The following DNM3 variants were observed in gnomAD, a reference collection of about 807,000 sequenced individuals.
DNM3 encodes the protein dynamin 3.
Under a neutral mutation model 101.6 loss-of-function variants are expected in DNM3, and 47 were observed. The ratio of observed to expected loss-of-function variants is 0.46; its 90% CI spans 0.37 to 0.59. The LOEUF is 0.59. Ranked by LOEUF, DNM3 falls within the 20% of genes least tolerant of loss-of-function variation. The pLI, the probability that DNM3 is intolerant of heterozygous loss-of-function variation, is 0.00. For missense variants in DNM3, 849 were observed against 1,085.7 expected (o/e 0.78, Z 3.06); for synonymous variants, 385 against 387.9 (o/e 0.99, Z 0.09).
chr1:172,057,174 C>G (rs547622853), intron 10 of DNM3, among the ~76,000 whole-genome samples: 2 of 152,214 alleles, frequency 1.3e-5, no homozygotes, highest in South Asian at 4.2e-4. Flanking sequence ...AGCAAAGCCT[C>G]CAAGAAATAT....
intron 4 of DNM3, among the ~76,000 whole-genome samples, chr1:172,003,850 G>T (rs2046504150): frequency 6.6e-6 from 1 of 151,884 alleles, no homozygotes; most frequent in African/African-American, 2.4e-5. Context: ...AAGACATTTG[G>T]GGAGAAATGT....
downstream of DNM3, among the ~76,000 whole-genome samples, chr1:172,413,110 T>C (rs572648728): frequency 1.1e-4 from 16 of 152,292 alleles, no homozygotes; most frequent in East Asian, 1.2e-3. Context: ...AAATGTTAGG[T>C]CCACAGAAGG....
chr1:172,198,131 T>C (rs2060021621), intron 14 of DNM3, among the ~76,000 whole-genome samples: 1 of 152,294 alleles, frequency 6.6e-6, no homozygotes, highest in African/African-American at 2.4e-5. Context: ...TGTTGAATTT[T>C]ATGTAAAGCC....
At chr1:171,929,339 A>G (rs1006356781) in intron 2 of DNM3, among the ~76,000 whole-genome samples, 1 of 152,224 alleles carries the variant, frequency 6.6e-6, no homozygotes, top group Non-Finnish European at 1.5e-5. Context: ...GAGGAACAGG[A>G]TTGCGGACAC....
chr1:172,378,842 G>A (rs926775014), intron 17 of DNM3, among the ~76,000 whole-genome samples, 176 bp from the exon 18 acceptor site: 1 of 151,908 alleles, frequency 6.6e-6, no homozygotes, highest in Non-Finnish European at 1.5e-5. Context: ...GAGTAATAAC[G>A]GCAGGTTCCC....
At chr1:172,034,301 T>C (rs1320709057) in intron 6 of DNM3, among the ~76,000 whole-genome samples, 2 of 152,140 alleles carry the variant, frequency 1.3e-5, no homozygotes, top group African/African-American at 4.8e-5. Context: ...AAAATATGAA[T>C]ATATTTTTGA....
chr1:171,970,559 T>C (rs1198564741), intron 2 of DNM3, among the ~76,000 whole-genome samples: 1 of 152,110 alleles, frequency 6.6e-6, no homozygotes, highest in African/African-American at 2.4e-5. Context: ...GATAGAAATA[T>C]TTTTGCTAAG....
intron 4 of DNM3, among the ~76,000 whole-genome samples, chr1:171,996,365 T>A (rs902272716): frequency 2.0e-5 from 3 of 152,168 alleles, no homozygotes; most frequent in African/African-American, 7.2e-5. Flanking sequence ...TTTGCTTTAG[T>A]TTCACCAGAA....
At chr1:171,883,363 C>CCACACA (rs71107337) in intron 1 of DNM3, among the ~76,000 whole-genome samples, 35 of 119,998 alleles carry the variant, frequency 2.9e-4, no homozygotes, top group Non-Finnish European at 4.0e-4. Flanking sequence ...CAAAAAAGGA[C>CCACACA]CACACACACA....
chr1:172,245,525 C>T (rs1055411602), intron 14 of DNM3, among the ~76,000 whole-genome samples: 2 of 152,176 alleles, frequency 1.3e-5, no homozygotes, highest in Non-Finnish European at 2.9e-5. Context: ...TCTAGAGCAC[C>T]ACAGGCTTGA....
At chr1:172,320,333 GTAAC>G (rs1035012136) in intron 16 of DNM3, among the ~76,000 whole-genome samples, 2 of 149,674 alleles carry the variant, frequency 1.3e-5, no homozygotes, top group Admixed American at 1.3e-4. Flanking sequence ...GTATACATAT[GTAAC>G]TAACCTGAAC....
At chr1:171,889,345 C>T (rs187733282) in intron 1 of DNM3, among the ~76,000 whole-genome samples, 61 of 151,976 alleles carry the variant, frequency 4.0e-4, no homozygotes, top group Middle Eastern at 3.4e-3. Flanking sequence ...CAAAACAAAA[C>T]GACAACAACA....
At chr1:171,931,095 A>T (rs911333274) in intron 2 of DNM3, among the ~76,000 whole-genome samples, 1 of 152,192 alleles carries the variant, frequency 6.6e-6, no homozygotes. Flanking sequence ...GAATCAATTT[A>T]ACAAAAGAAA....
At chr1:172,235,392 G>T (rs1170003826) in intron 14 of DNM3, among the ~76,000 whole-genome samples, 2 of 152,186 alleles carry the variant, frequency 1.3e-5, no homozygotes, top group Non-Finnish European at 2.9e-5. Flanking sequence ...CTTTTACACT[G>T]TTGGTGGGAC....
chr1:172,313,269 G>A (rs1270863446), intron 16 of DNM3, among the ~76,000 whole-genome samples: 1 of 152,198 alleles, frequency 6.6e-6, no homozygotes, highest in Non-Finnish European at 1.5e-5. Context: ...TGATGAGACT[G>A]AAATACAATC....
intron 1 of DNM3, among the ~76,000 whole-genome samples, chr1:171,914,448 C>T (rs1030741989): frequency 6.6e-6 from 1 of 152,168 alleles, no homozygotes; most frequent in African/African-American, 2.4e-5. Flanking sequence ...TGAGCCACCA[C>T]AGCTGGCTGA....
chr1:172,336,915 C>T (rs2066457597), intron 17 of DNM3, among the ~76,000 whole-genome samples: 1 of 152,146 alleles, frequency 6.6e-6, no homozygotes, highest in Admixed American at 6.6e-5. Flanking sequence ...GACAATCTAC[C>T]TCACGAGGAC....
chr1:172,134,905 C>T (rs1169983382), intron 14 of DNM3, among the ~76,000 whole-genome samples: 1 of 152,066 alleles, frequency 6.6e-6, no homozygotes, highest in Admixed American at 6.5e-5. Flanking sequence ...GAGAAAGGCA[C>T]TCTAAAGATG....
chr1:171,932,987 T>C (rs1297387019), intron 2 of DNM3, among the ~76,000 whole-genome samples: 1 of 152,206 alleles, frequency 6.6e-6, no homozygotes, highest in East Asian at 1.9e-4. Flanking sequence ...TCCTTGACCA[T>C]TCCTTCTTTT....
Sources: allele counts gnomAD v4.1 joint callset (sites outside exome capture counted in the v4.1 genomes callset), GRCh38; gene constraint gnomAD v4.1.1; transcripts MANE v1.5; gene names NCBI Gene and HGNC (gene_info 2026-07-23, HGNC 2026-07-21).